RELN: variants seen among roughly 807,000 people sequenced by gnomAD.
The protein encoded by RELN is reelin.
In RELN, 108 loss-of-function variants were observed where a neutral mutation model predicts 427.6. The ratio of observed to expected loss-of-function variants is 0.25; its 90% CI spans 0.22 to 0.30. RELN has a LOEUF of 0.30. Ranked by LOEUF, RELN falls within the 10% of genes least tolerant of loss-of-function variation. The pLI, the probability that RELN is intolerant of heterozygous loss-of-function variation, is 1.00. For synonymous variants in RELN, 1,524 were observed against 1,513.4 expected, an observed-to-expected ratio of 1.01 and a Z score of -0.16; for missense variants, 3,715 against 4,302.8, an observed-to-expected ratio of 0.86 and a Z score of 3.82.
chr7:103,491,900 A>G, intron 58 of RELN, 53 bp downstream of exon 58: 1 of 1,136,514 alleles, frequency 8.8e-7, no homozygotes. Flanking sequence ...ACACACAACG[A>G]TTTGGATGGG....
intron 36 of RELN, among the ~76,000 whole-genome samples, chr7:103,558,774 T>C (rs865841712): frequency 6.9e-5 from 10 of 145,594 alleles, no homozygotes; most frequent in Middle Eastern, 3.7e-3. Context: ...AGAATTTCAC[T>C]ATGCAAATAG....
intron 3 of RELN, among the ~76,000 whole-genome samples, chr7:103,795,232 A>G (rs372832480): frequency 2.6e-5 from 4 of 152,346 alleles, no homozygotes; most frequent in Non-Finnish European, 5.9e-5. Context: ...GTAGATATCT[A>G]TATAAATGGT....
intron 1 of RELN, among the ~76,000 whole-genome samples, chr7:103,964,527 C>T (rs1235417502): frequency 6.6e-6 from 1 of 152,152 alleles, no homozygotes; most frequent in African/African-American, 2.4e-5. Context: ...TAGGGCACAA[C>T]TTACAATTAC....
chr7:103,603,374 C>T lies in RELN; in HGVS notation c.3263G>A (p.Gly1088Glu). The T allele has an allele frequency of 2.5e-6, 4 of 1,613,868 alleles. No individual in the cohort carries two copies. The highest frequency in any genetic ancestry group is 3.4e-6 in the Non-Finnish European group (4 of 1,179,830). The change falls in exon 24 of 65, where the codon GGG becomes GAG. Residue 1088 changes from glycine to glutamate, a missense_variant. Coordinates refer to ENST00000428762, the MANE Select transcript of RELN (RefSeq NM_005045.4). The surrounding 1 kb of genome is among the most constrained non-coding windows in gnomAD (Gnocchi z 4.3). The part of the protein sequence containing the change: ...GWESDWQEVI[G>E]GEIVKPEQGC... ...TTGTTCTGGTTTTACAATTTCTCCC[C>T]CAATAACTTCTTGCCAGTCAGACTC...
At chr7:103,935,199 G>A (rs1159211935) in intron 1 of RELN, among the ~76,000 whole-genome samples, 5 of 152,280 alleles carry the variant, frequency 3.3e-5, no homozygotes, top group South Asian at 2.1e-4. Flanking sequence ...GTGATCAAAT[G>A]TGCATATCTT....
intron 31 of RELN, 144 bp from the exon 32 acceptor site, chr7:103,566,903 T>C (rs1300043576): frequency 2.6e-6 from 2 of 779,246 alleles, no homozygotes; most frequent in African/African-American, 1.7e-5. Flanking sequence ...AGGAATGAAT[T>C]AGTGGACCTG....
At position 103,573,615 on chromosome 7, in the gene RELN, T is replaced by C. The variant is rs528979256; in HGVS notation, c.4511+477A>G. Among the ~76,000 whole-genome samples, 80 of 152,376 alleles carry C rather than the reference T, an allele frequency of 5.3e-4. No homozygotes were observed. The highest frequency in any genetic ancestry group is 1.9e-3 in the African/African-American group (77 of 41,590). Reference sequence around the variant, plus strand: ...ATTTTAGGTGTGCTATTATTTCATTTGATCTTAAAAACCAAACAGTTCTTT... The same window carrying C: ...ATTTTAGGTGTGCTATTATTTCATTCGATCTTAAAAACCAAACAGTTCTTT... On this transcript the variant is annotated intron_variant, in intron 30 of 64. Transcript: ENST00000428762. The surrounding 1 kb of genome is among the most constrained non-coding windows in gnomAD (Gnocchi z 4.4).
intron 3 of RELN, among the ~76,000 whole-genome samples, chr7:103,787,932 T>C (rs1792061245): frequency 6.6e-6 from 1 of 152,164 alleles, no homozygotes; most frequent in Non-Finnish European, 1.5e-5. Context: ...GCAAAAATCC[T>C]CAATAAAATA....
chr7:103,511,486 C>A (rs2711849), intron 50 of RELN, among the ~76,000 whole-genome samples: 35,834 of 151,858 alleles, frequency 0.24, 4,487 homozygotes, highest in East Asian at 0.43. Context: ...CTACTACTCA[C>A]ATTCTGAAAG....
Position 103,519,486 on chromosome 7 carries a change from G to C in RELN, c.7699C>G (p.Leu2567Val), listed in dbSNP as rs747130938. The C allele has an allele frequency of 6.2e-7, 1 of 1,612,702 alleles. No homozygotes were observed. The highest frequency in any genetic ancestry group is 1.1e-5 in the South Asian group (1 of 91,052). The change falls in exon 49 of 65, where the codon CTA becomes GTA. Residue 2567 changes from leucine to valine, a missense_variant. Transcript: ENST00000428762. ...GCSRLLVTVD[L>V]NLTNAEFIQF... is the part of the protein sequence containing the mutation. ...ATGAACTCAGCATTAGTGAGGTTTA[G>C]ATCCACAGTGACTAATAATCGACTA... is the stretch of plus-strand genomic sequence containing the variant.
At chr7:103,708,818 C>T (rs981597623) in intron 8 of RELN, among the ~76,000 whole-genome samples, 1 of 152,122 alleles carries the variant, frequency 6.6e-6, no homozygotes, top group Non-Finnish European at 1.5e-5. Flanking sequence ...TTAATGGTCA[C>T]GCCCCTCAGA....
intron 6 of RELN, among the ~76,000 whole-genome samples, chr7:103,731,499 T>TA (rs143071675): frequency 6.6e-6 from 1 of 152,016 alleles, no homozygotes; most frequent in African/African-American, 2.4e-5. Context: ...TATTTTTTTT[T>TA]ATCTCCACTT....
intron 2 of RELN, among the ~76,000 whole-genome samples, chr7:103,849,883 T>A (rs188331183): frequency 2.5e-3 from 382 of 152,340 alleles, no homozygotes; most frequent in Non-Finnish European, 3.9e-3. Flanking sequence ...ACCAAAACTG[T>A]CTTCTTTCTC....
intron 3 of RELN, among the ~76,000 whole-genome samples, chr7:103,784,620 A>G (rs1791972922): frequency 6.6e-6 from 1 of 152,182 alleles, no homozygotes; most frequent in East Asian, 1.9e-4. Flanking sequence ...TTTTTTCTTA[A>G]TAAAAAGATG....
chr7:103,726,307 A>G (rs950911954), intron 7 of RELN, among the ~76,000 whole-genome samples: 9 of 152,228 alleles, frequency 5.9e-5, no homozygotes, highest in African/African-American at 2.2e-4. Flanking sequence ...CATCATCGCC[A>G]TCATTCTCAA....
At chr7:103,946,396 G>T (rs550387396) in intron 1 of RELN, among the ~76,000 whole-genome samples, 2 of 152,040 alleles carry the variant, frequency 1.3e-5, no homozygotes, top group Non-Finnish European at 2.9e-5. Context: ...CAAAAAAAAG[G>T]TGAGAAGTTC....
Position 103,500,769 on chromosome 7 carries a change from G to C in RELN, c.8643C>G (p.Asn2881Lys), listed in dbSNP as rs1829000295. ...CICDPGYSGPNCYLTHTLKTF... is the reference protein window; with the variant it reads ...CICDPGYSGPKCYLTHTLKTF... ...CCTTCAGAGTGTGGGTCAAGTAGCA[G>C]TTTGGCCCTGAGTATCCCGGATCAC... Residue 2881 changes from asparagine to lysine, a missense_variant, in exon 53 of 65, where the codon AAC becomes AAG. By Grantham distance (94) the Asn-to-Lys change is moderately conservative (BLOSUM62 0). Around this residue, in one of 4 missense-constraint regions of RELN, gnomAD observed 1,310 missense variants for 1,643.0 expected, o/e 0.80. Coordinates refer to ENST00000428762, the MANE Select transcript of RELN (RefSeq NM_005045.4). 3.1e-6 allele frequency: 5 copies of C among 1,613,966 alleles called. No homozygotes were observed. The highest frequency in any genetic ancestry group is 2.7e-5 in the African/African-American group (2 of 74,902).
chr7:103,614,712 T>C (rs1172375546), intron 20 of RELN, among the ~76,000 whole-genome samples: 5 of 152,218 alleles, frequency 3.3e-5, no homozygotes, highest in Admixed American at 2.6e-4. Flanking sequence ...TCATGGTCAG[T>C]CTTTTCTTGT....
intron 19 of RELN, among the ~76,000 whole-genome samples, chr7:103,634,572 C>T (rs925176079): frequency 6.6e-6 from 1 of 151,956 alleles, no homozygotes; most frequent in African/African-American, 2.4e-5. Flanking sequence ...AATCTATATA[C>T]TAAAGAAAAA....
Sources: gnomAD v4.1 joint callset for allele counts (sites outside exome capture counted in the v4.1 genomes callset) on GRCh38, gnomAD v4.1.1 for gene constraint, gnomAD v4.1.1 regional missense constraint, Gnocchi (gnomAD v3.1) non-coding constraint, MANE v1.5 for transcripts, NCBI Gene and HGNC (gene_info 2026-07-23, HGNC 2026-07-21) for gene names.